The following RBFOX1 variants were observed in gnomAD, a reference collection of about 807,000 sequenced individuals.
RBFOX1 encodes the protein RNA binding fox-1 homolog 1.
Under a neutral mutation model 57.7 loss-of-function variants are expected in RBFOX1, and 8 were observed. That is an observed-to-expected ratio of 0.14 (90% CI 0.08 to 0.25). The LOEUF is 0.25. RBFOX1 is among the 10% of genes least tolerant of loss of function. RBFOX1 has a pLI of 1.00. For missense variants in RBFOX1, 611 were observed against 548.5 expected (o/e 1.11, Z -1.14); for synonymous variants, 326 against 222.4 (o/e 1.47, Z -4.15).
chr16:7,619,244 C>G (rs543188765), intron 10 of RBFOX1, among the ~76,000 whole-genome samples: 3 of 152,096 alleles, frequency 2.0e-5, no homozygotes, highest in East Asian at 3.9e-4. Context: ...TTGTATGATT[C>G]TAGTGTTTGG....
chr16:5,390,692 C>G (rs76994965), intron 1 of RBFOX1, among the ~76,000 whole-genome samples: 2,169 of 152,260 alleles, frequency 0.014, 55 homozygotes, highest in African/African-American at 0.049. Context: ...AGCTCTACCC[C>G]TCTACCCCAT....
At chr16:7,338,703 C>G (rs1176266610) in intron 4 of RBFOX1, among the ~76,000 whole-genome samples, 1 of 152,170 alleles carries the variant, frequency 6.6e-6, no homozygotes, top group Non-Finnish European at 1.5e-5. Context: ...TATGTAGTAA[C>G]AATGCAAATT....
intron 1 of RBFOX1, among the ~76,000 whole-genome samples, chr16:6,287,990 C>A (rs1485213581): frequency 6.6e-6 from 1 of 152,068 alleles, no homozygotes; most frequent in Non-Finnish European, 1.5e-5. Flanking sequence ...GTGCATTTTG[C>A]GTACTTCAAC....
At chr16:7,410,856 TG>T (rs1232864158) in intron 4 of RBFOX1, among the ~76,000 whole-genome samples, 3 of 151,304 alleles carry the variant, frequency 2.0e-5, no homozygotes, top group South Asian at 2.1e-4. Flanking sequence ...TGTGTGTGTG[TG>T]TGTGTGTGTG....
At chr16:5,553,397 A>T (rs71390670) in intron 2 of RBFOX1, among the ~76,000 whole-genome samples, 50,445 of 150,596 alleles carry the variant, frequency 0.33, 8,774 homozygotes, top group Admixed American at 0.37. Flanking sequence ...CTCACTGCAC[A>T]CTCCGCCTCC....
At position 5,467,222 on chromosome 16, in the gene RBFOX1, CT is replaced by C. The variant is rs1291890627; in HGVS notation, c.227del (p.Leu76ArgfsTer32). On this transcript the variant is annotated frameshift_variant, in exon 2 of 3. Transcript: ENST00000585867. LOFTEE classifies it low-confidence loss of function (END_TRUNC). ...TTTTTTTTTTTTAATGCAGGATCTA[CT>C]GTGCCTGCCATACAGCCTGGTTGAG... 6.8e-7 allele frequency: 1 copy of C among 1,473,098 alleles called. No homozygotes were observed. Among genetic ancestry groups the C allele is most frequent in the Non-Finnish European group, 9.1e-7 (1 of 1,095,798 alleles). The allele number at this position is 1,473,098 out of a possible 1,614,324, so 91.3% of individuals were successfully genotyped here.
intron 1 of RBFOX1, chr16:5,366,192 C>G (rs1375413624): frequency 7.1e-6 from 3 of 419,732 alleles, no homozygotes; most frequent in East Asian, 5.9e-5. Context: ...AGATATGAAA[C>G]TCTTAAGTAT....
chr16:6,607,442 C>A (rs1162127235), intron 2 of RBFOX1, among the ~76,000 whole-genome samples: 1 of 148,776 alleles, frequency 6.7e-6, no homozygotes, highest in African/African-American at 2.5e-5. Flanking sequence ...CTCTCGCTCT[C>A]TATCTCTCTT....
chr16:7,007,726 A>G (rs2093383751), intron 3 of RBFOX1, among the ~76,000 whole-genome samples: 1 of 152,108 alleles, frequency 6.6e-6, no homozygotes. Context: ...TACAGGGTAA[A>G]CTCCCATGAA....
At chr16:5,393,818 C>T (rs1336065379) in intron 1 of RBFOX1, among the ~76,000 whole-genome samples, 1 of 152,170 alleles carries the variant, frequency 6.6e-6, no homozygotes, top group Non-Finnish European at 1.5e-5. Flanking sequence ...CATCCATCTC[C>T]AGAACTTTTT....
At chr16:6,499,605 G>A (rs1445539562) in intron 2 of RBFOX1, among the ~76,000 whole-genome samples, 1 of 152,092 alleles carries the variant, frequency 6.6e-6, no homozygotes, top group South Asian at 2.1e-4. Flanking sequence ...CAGTGGGAAT[G>A]ATTCAGCTTA....
At chr16:7,328,743 C>T (rs1166959696) in intron 4 of RBFOX1, 5 of 151,086 alleles carry the variant, frequency 3.3e-5, no homozygotes, top group Non-Finnish European at 7.4e-5. Flanking sequence ...AGAACTGGCA[C>T]CAAGGAAGCA....
intron 3 of RBFOX1, among the ~76,000 whole-genome samples, chr16:7,027,056 C>T (rs1366640058): frequency 1.3e-5 from 2 of 152,130 alleles, no homozygotes; most frequent in Non-Finnish European, 1.5e-5. Context: ...CAATAGGACC[C>T]TTGCTGAGAT....
At chr16:7,202,454 G>C (rs911095040) in intron 4 of RBFOX1, among the ~76,000 whole-genome samples, 1 of 152,164 alleles carries the variant, frequency 6.6e-6, no homozygotes, top group African/African-American at 2.4e-5. Flanking sequence ...ACTGCCAGAT[G>C]ATCCAACAAT....
chr16:5,990,330 G>A (rs1176207844), intron 4 of RBFOX1, among the ~76,000 whole-genome samples: 1 of 152,136 alleles, frequency 6.6e-6, no homozygotes, highest in Non-Finnish European at 1.5e-5. Context: ...GGCCGTAATG[G>A]AAAGAATCAG....
chr16:5,293,436 C>T (rs1446965436), intron 1 of RBFOX1, among the ~76,000 whole-genome samples: 2 of 152,182 alleles, frequency 1.3e-5, no homozygotes, highest in African/African-American at 4.8e-5. Context: ...CATCTGCACC[C>T]AACCATATCC....
At chr16:5,475,325 C>T (rs1246737766) in intron 2 of RBFOX1, among the ~76,000 whole-genome samples, 4 of 152,192 alleles carry the variant, frequency 2.6e-5, no homozygotes, top group South Asian at 2.1e-4. Flanking sequence ...ATTAAGTCTA[C>T]ATTCGATTTA....
chr16:6,992,866 C>G (rs545553561), intron 3 of RBFOX1, among the ~76,000 whole-genome samples: 32 of 145,604 alleles, frequency 2.2e-4, no homozygotes, highest in African/African-American at 8.1e-4. Flanking sequence ...ATTTGTGATA[C>G]TTCAATATAT....
At chr16:6,366,369 A>T (rs11641761) in intron 2 of RBFOX1, among the ~76,000 whole-genome samples, 1 of 151,980 alleles carries the variant, frequency 6.6e-6, no homozygotes, top group Non-Finnish European at 1.5e-5. Context: ...AATTGTGAAT[A>T]TTGTAATAAA....
Sources: allele counts gnomAD v4.1 joint callset (sites outside exome capture counted in the v4.1 genomes callset), GRCh38; gene constraint gnomAD v4.1.1; transcripts MANE v1.5; gene names NCBI Gene and HGNC (gene_info 2026-07-23, HGNC 2026-07-21).